The following ERC2 variants were observed in gnomAD, a reference collection of about 807,000 sequenced individuals.
ERC2 encodes the protein ERC protein 2.
In ERC2, 42 loss-of-function variants were observed where a neutral mutation model predicts 114.8. The ratio of observed to expected loss-of-function variants is 0.37; its 90% confidence interval spans 0.29 to 0.47. The LOEUF is 0.47. ERC2 is among the 20% of genes least tolerant of loss of function. The pLI, the probability that ERC2 is intolerant of heterozygous loss-of-function variation, is 0.99. For missense variants in ERC2, 939 were observed against 1,150.7 expected (o/e 0.82, Z 2.66); for synonymous variants, 454 against 425.5 (o/e 1.07, Z -0.82).
intron 3 of ERC2, among the ~76,000 whole-genome samples, chr3:56,293,579 G>A (rs146844753): frequency 8.3e-4 from 127 of 152,314 alleles, no homozygotes; most frequent in Middle Eastern, 3.4e-3. Flanking sequence ...AGTCTTGTTT[G>A]CTGAGTTCAA....
At chr3:55,873,488 G>A (rs755512277) in intron 14 of ERC2, among the ~76,000 whole-genome samples, 10 of 152,204 alleles carry the variant, frequency 6.6e-5, no homozygotes, top group Non-Finnish European at 1.2e-4. Context: ...TCTTTACACT[G>A]TAGTTATTTG....
At chr3:55,938,527 C>T (rs138746149) in intron 13 of ERC2, among the ~76,000 whole-genome samples, 1 of 152,258 alleles carries the variant, frequency 6.6e-6, no homozygotes, top group South Asian at 2.1e-4. Context: ...AAGGTAAAGC[C>T]GTCATTAAGT....
intron 2 of ERC2, among the ~76,000 whole-genome samples, chr3:56,340,060 T>C (rs1465348919): frequency 1.3e-5 from 2 of 152,246 alleles, no homozygotes; most frequent in Non-Finnish European, 2.9e-5. Context: ...ACTTTATTTG[T>C]TCTCTTATTA....
At chr3:56,454,210 G>A (rs770759691) in intron 1 of ERC2, among the ~76,000 whole-genome samples, 1 of 152,180 alleles carries the variant, frequency 6.6e-6, no homozygotes, top group Non-Finnish European at 1.5e-5. Flanking sequence ...GCAACTCAAT[G>A]TAGAGCAGTT....
At chr3:55,693,948 ATCTGACTGCCTCAGCCT>A (rs2062800614) in intron 16 of ERC2, among the ~76,000 whole-genome samples, 1 of 152,202 alleles carries the variant, frequency 6.6e-6, no homozygotes, top group Non-Finnish European at 1.5e-5. Flanking sequence ...ACATCAGGTG[ATCTGACTGCCTCAGCCT>A]CCCAATGTGT....
rs370592162 is a variant in ERC2 at position 55,888,484 on chromosome 3, G to A, written c.2469C>T (p.Leu823=). 210 of 1,613,874 alleles carry A rather than the reference G, an allele frequency of 1.3e-4. 4 individuals are homozygous for A. The South Asian group carries it at 2.0e-3, about 15-fold the overall frequency. ...RQELDATKAR[L]ASTQQSLAEK... ...CGGCCAGGGACTGTTGTGTGGAGGC[G>A]AGGCGTGCTTTGGTGGCATCCAGTT... The change falls in exon 14 of 18, where the codon CTC becomes CTT. Residue 823 remains leucine, a synonymous_variant. Coordinates refer to ENST00000288221, the MANE Select transcript of ERC2 (RefSeq NM_015576.3).
intron 7 of ERC2, among the ~76,000 whole-genome samples, chr3:56,024,092 T>C (rs747031457): frequency 2.6e-5 from 4 of 152,220 alleles, no homozygotes; most frequent in Non-Finnish European, 4.4e-5. Context: ...GATTTTGTAT[T>C]ACCCACACCT....
chr3:56,240,051 G>C (rs778553307), intron 3 of ERC2, among the ~76,000 whole-genome samples: 8 of 152,212 alleles, frequency 5.3e-5, no homozygotes, highest in African/African-American at 1.4e-4. Context: ...CCTGCATAAA[G>C]AGCTTCATAG....
At chr3:55,844,085 T>A (rs543954537) in intron 14 of ERC2, among the ~76,000 whole-genome samples, 2 of 152,318 alleles carry the variant, frequency 1.3e-5, no homozygotes, top group South Asian at 4.1e-4. Flanking sequence ...GATATTTTCC[T>A]CCAGAAATAC....
chr3:56,149,227 C>T, intron 4 of ERC2, 95 bp from the exon 5 acceptor site: 1 of 1,208,326 alleles, frequency 8.3e-7, no homozygotes, highest in Non-Finnish European at 1.1e-6. Context: ...TTTGGTAGTG[C>T]TGTCACATAT....
chr3:56,098,925 C>T (rs1374196982), intron 6 of ERC2, among the ~76,000 whole-genome samples: 1 of 152,176 alleles, frequency 6.6e-6, no homozygotes, highest in African/African-American at 2.4e-5. Context: ...GATTTAGTAC[C>T]TGTAATGAGT....
rs140516502 is a variant in ERC2, at chr3:55,904,517, C to T, written c.2404-15968G>A. On this transcript the variant is annotated intron_variant, in intron 13 of 17. Transcript: ENST00000288221. ...TTATTACATCAAAATTGTTTCTTCCCTTGCCAACCTCATTCTACCCCTTTT... is the reference window on the plus strand; with the variant it reads ...TTATTACATCAAAATTGTTTCTTCCTTTGCCAACCTCATTCTACCCCTTTT... Among the ~76,000 whole-genome samples, 34 of 152,264 alleles carry T rather than the reference C, an allele frequency of 2.2e-4. 1 individual carries two copies. In the East Asian group the frequency reaches 5.4e-3, roughly 24 times the overall value.
intron 15 of ERC2, among the ~76,000 whole-genome samples, chr3:55,733,540 TCTCACACACA>T (rs1470747744): frequency 1.0e-5 from 1 of 95,806 alleles, no homozygotes; most frequent in South Asian, 4.3e-4. Context: ...TTTCTCTCTC[TCTCACACACA>T]CACACACACA....
At chr3:55,983,127 C>G (rs187010685) in intron 12 of ERC2, among the ~76,000 whole-genome samples, 1 of 152,298 alleles carries the variant, frequency 6.6e-6, no homozygotes, top group African/African-American at 2.4e-5. Flanking sequence ...AGAGGGGACA[C>G]TGAGGCCCAA....
chr3:56,168,582 C>A (rs2082446150), intron 4 of ERC2, among the ~76,000 whole-genome samples: 1 of 152,256 alleles, frequency 6.6e-6, no homozygotes, highest in Non-Finnish European at 1.5e-5. Context: ...GCTGAGTAGT[C>A]TAGGTTTGCC....
rs940799934 is a variant in ERC2 at position 55,810,946 on chromosome 3, A to T, written c.2565-76028T>A. ...GTAGTTTCCACAGGCTAAATTCATAAAAGAATAGTCACACCAAAGAATATA... is the reference window on the plus strand; with the variant it reads ...GTAGTTTCCACAGGCTAAATTCATATAAGAATAGTCACACCAAAGAATATA... On this transcript the variant is annotated intron_variant, in intron 14 of 17. Transcript: ENST00000288221. 5.3e-5 allele frequency among the ~76,000 whole-genome samples: 8 copies of T among 152,210 alleles called. No homozygotes were observed. In the East Asian group the frequency reaches 1.5e-3, roughly 29 times the overall value.
chr3:56,353,521 T>C (rs960536483), intron 2 of ERC2, among the ~76,000 whole-genome samples: 2 of 151,788 alleles, frequency 1.3e-5, no homozygotes, highest in African/African-American at 4.8e-5. Context: ...TGGATGAAGC[T>C]GGAAACCATC....
chr3:55,870,412 G>A (rs982042771), intron 14 of ERC2, among the ~76,000 whole-genome samples: 1 of 152,296 alleles, frequency 6.6e-6, no homozygotes, highest in African/African-American at 2.4e-5. Flanking sequence ...TCTGAAGAAG[G>A]AATGAGTTCC....
At chr3:55,539,926 A>ATT (rs58377855) in intron 17 of ERC2, among the ~76,000 whole-genome samples, 4 of 130,142 alleles carry the variant, frequency 3.1e-5, no homozygotes, top group South Asian at 2.5e-4. Context: ...TCCTGTGGGG[A>ATT]TTTTTTTTTT....
Sources: allele counts gnomAD v4.1 joint callset (sites outside exome capture counted in the v4.1 genomes callset), GRCh38; gene constraint gnomAD v4.1.1; transcripts MANE v1.5; gene names NCBI Gene and HGNC (gene_info 2026-07-23, HGNC 2026-07-21).